The following DCDC2C variants were observed in gnomAD, a reference collection of about 807,000 sequenced individuals.
DCDC2C encodes the protein doublecortin domain-containing protein 2C.
A neutral mutation model predicts 45.0 loss-of-function variants in DCDC2C; 44 were observed. That is an observed-to-expected ratio of 0.98 (90% CI 0.77 to 1.26). DCDC2C has a LOEUF of 1.26. DCDC2C is among the 50% of genes most tolerant of loss of function. The pLI, the probability that DCDC2C is intolerant of heterozygous loss-of-function variation, is 0.00. For missense variants in DCDC2C, 447 were observed against 468.9 expected (o/e 0.95, Z 0.43); for synonymous variants, 187 against 178.8 (o/e 1.05, Z -0.37).
intron 10 of DCDC2C, among the ~76,000 whole-genome samples, chr2:3,819,850 G>A (rs959782854): frequency 2.0e-5 from 3 of 152,170 alleles, no homozygotes; most frequent in African/African-American, 4.8e-5. Flanking sequence ...GGCTAGTCAC[G>A]GGACGAAACT....
intron 10 of DCDC2C, among the ~76,000 whole-genome samples, chr2:3,800,257 C>T (rs1037107790): frequency 1.8e-4 from 28 of 152,146 alleles, no homozygotes; most frequent in Admixed American, 4.6e-4. Context: ...CACTGACCTG[C>T]GCCCACTGTC....
chr2:3,708,478 T>C, intron 1 of DCDC2C, 71 bp from the exon 2 acceptor site: 5 of 1,246,952 alleles, frequency 4.0e-6, no homozygotes, highest in Non-Finnish European at 5.6e-6. Context: ...AGGACTCGTT[T>C]CTAAGGAGTC....
At chr2:3,727,155 A>G (rs1668711929) in intron 3 of DCDC2C, 76 bp downstream of exon 3, 2 of 1,238,026 alleles carry the variant, frequency 1.6e-6, no homozygotes, top group Middle Eastern at 2.3e-4. Flanking sequence ...ATCCTGACAA[A>G]TGCCCCTCAG....
At chr2:3,808,371 T>G (rs1671306987) in intron 10 of DCDC2C, among the ~76,000 whole-genome samples, 1 of 152,156 alleles carries the variant, frequency 6.6e-6, no homozygotes, top group Admixed American at 6.5e-5. Context: ...TTCCATTTTG[T>G]CACGTTTTGA....
At chr2:3,733,154 A>G (rs1668921467) in intron 3 of DCDC2C, among the ~76,000 whole-genome samples, 1 of 152,174 alleles carries the variant, frequency 6.6e-6, no homozygotes, top group Non-Finnish European at 1.5e-5. Flanking sequence ...TTGGGGACAT[A>G]TTGGCTGCTG....
intron 10 of DCDC2C, among the ~76,000 whole-genome samples, chr2:3,831,550 T>C (rs1463611097): frequency 6.6e-6 from 1 of 152,248 alleles, no homozygotes; most frequent in Admixed American, 6.5e-5. Context: ...GAACCACCAT[T>C]GGACATGTGG....
chr2:3,805,688 A>G (rs910627005), intron 10 of DCDC2C, among the ~76,000 whole-genome samples: 1 of 152,200 alleles, frequency 6.6e-6, no homozygotes, highest in African/African-American at 2.4e-5. Context: ...AGAGGTGGTG[A>G]TTAGGACTTA....
intron 9 of DCDC2C, 101 bp downstream of exon 9, chr2:3,778,985 C>A (rs367724298): frequency 2.5e-6 from 3 of 1,208,778 alleles, no homozygotes; most frequent in South Asian, 2.9e-5. Flanking sequence ...GATCACAAGT[C>A]GCTTCCAAAA....
intron 4 of DCDC2C, among the ~76,000 whole-genome samples, chr2:3,750,405 TA>T (rs1281724646): frequency 7.2e-5 from 11 of 152,208 alleles, no homozygotes; most frequent in African/African-American, 2.7e-4. Context: ...TCCTTTTATT[TA>T]ACCACGTCCT....
At chr2:3,822,060 T>C (rs916393308) in intron 10 of DCDC2C, among the ~76,000 whole-genome samples, 2 of 152,250 alleles carry the variant, frequency 1.3e-5, no homozygotes, top group South Asian at 4.1e-4. Context: ...CAGTGTTCCA[T>C]ACAAATTGAA....
intron 4 of DCDC2C, among the ~76,000 whole-genome samples, chr2:3,751,593 T>C (rs1669544364): frequency 6.6e-6 from 1 of 152,356 alleles, no homozygotes; most frequent in Admixed American, 6.5e-5. Flanking sequence ...AGCTCTGCAG[T>C]GGGGCCCAGA....
At position 3,761,978 on chromosome 2, in the gene DCDC2C, A is replaced by G. The variant is rs1669890625; in HGVS notation, c.727-5776A>G. On this transcript the variant is annotated intron_variant, in intron 6 of 10. Transcript: ENST00000399143. The surrounding 1 kb of genome is among the most constrained non-coding windows in gnomAD (Gnocchi z 4.3). ...GGTTCATTTTCTGAAAACATTTTCA[A>G]TAGGGAGAAAGATGAATGAAATTGA... Among the ~76,000 whole-genome samples the G allele has an allele frequency of 6.6e-6, 1 of 152,220 alleles. No homozygotes were observed. Among genetic ancestry groups the G allele is most frequent in the Admixed American group, 6.5e-5 (1 of 15,284 alleles).
intron 6 of DCDC2C, among the ~76,000 whole-genome samples, chr2:3,764,076 AGAG>A (rs1223902157): frequency 2.0e-5 from 3 of 152,252 alleles, no homozygotes; most frequent in Middle Eastern, 6.3e-3. Context: ...TAATGTAACC[AGAG>A]GAGGCATCGA....
intron 10 of DCDC2C, among the ~76,000 whole-genome samples, chr2:3,833,360 T>G (rs373280344): frequency 7.9e-5 from 12 of 152,338 alleles, no homozygotes; most frequent in African/African-American, 2.4e-4. Flanking sequence ...TCTGCCTACC[T>G]TACCCACTGA....
chr2:3,705,236 T>C (rs565398955), intron 1 of DCDC2C, among the ~76,000 whole-genome samples: 139 of 152,360 alleles, frequency 9.1e-4, no homozygotes, highest in African/African-American at 3.2e-3. Context: ...ACCATTCAGT[T>C]GTTTCTGAAG....
intron 2 of DCDC2C, among the ~76,000 whole-genome samples, chr2:3,711,682 G>T (rs972175049): frequency 6.2e-4 from 94 of 152,130 alleles, no homozygotes; most frequent in African/African-American, 2.0e-3. Context: ...CATCCTCTTT[G>T]AGCAGATCTT....
At chr2:3,842,919 A>G (rs1205353864) in intron 10 of DCDC2C, among the ~76,000 whole-genome samples, 1 of 152,188 alleles carries the variant, frequency 6.6e-6, no homozygotes, top group Non-Finnish European at 1.5e-5. Flanking sequence ...GGTCTGAACT[A>G]GTTGCCTGGC....
intron 1 of DCDC2C, among the ~76,000 whole-genome samples, chr2:3,704,736 C>T (rs1311242576): frequency 3.6e-4 from 7 of 19,546 alleles, no homozygotes; most frequent in Non-Finnish European, 6.2e-4. Context: ...GGGGGAGGGG[C>T]GTGGGGGGCA....
intron 10 of DCDC2C, among the ~76,000 whole-genome samples, chr2:3,822,275 G>T (rs1671708586): frequency 6.6e-6 from 1 of 152,052 alleles, no homozygotes; most frequent in Admixed American, 6.6e-5. Context: ...GAAGTTTTTT[G>T]ATTACTAATT....
Sources: allele counts gnomAD v4.1 joint callset (sites outside exome capture counted in the v4.1 genomes callset), GRCh38; gene constraint gnomAD v4.1.1; non-coding constraint Gnocchi (gnomAD v3.1); transcripts MANE v1.5; gene names NCBI Gene and HGNC (gene_info 2026-07-23, HGNC 2026-07-21).